STRN: variants seen among roughly 807,000 people sequenced by gnomAD.
STRN encodes protein phosphatase 2 regulatory subunit B'''alpha.
Under a neutral mutation model 96.3 loss-of-function variants are expected in STRN, and 53 were observed. The ratio of observed to expected loss-of-function variants is 0.55; its 90% CI spans 0.44 to 0.69. STRN has a LOEUF of 0.69. Ranked by LOEUF, STRN falls within the 30% of genes least tolerant of loss-of-function variation. The pLI is 0.00. For synonymous variants in STRN, 428 were observed against 355.9 expected (o/e 1.20, Z -2.28); for missense variants, 987 against 963.9 (o/e 1.02, Z -0.32).
rs770038776 is a variant in STRN, at chr2:36,840,009, C to T, written c.*9447G>A. ...TACAATTACTATAAAATCTTCAAGACAAAAACCAGCCTGAGAGCATCCTGA... is the reference window on the plus strand; with the variant it reads ...TACAATTACTATAAAATCTTCAAGATAAAAACCAGCCTGAGAGCATCCTGA... On this transcript the variant is annotated 3_prime_UTR_variant, in exon 18 of 18. Coordinates refer to ENST00000263918, the MANE Select transcript of STRN (RefSeq NM_003162.4). 5.9e-5 allele frequency: 9 copies of T among 152,142 alleles called. No homozygotes were observed. Among genetic ancestry groups the T allele is most frequent in the Non-Finnish European group, 1.0e-4 (7 of 68,040 alleles). 9.4% of individuals were successfully genotyped at this position (152,142 alleles called of 1,614,324 possible). A position where few individuals can be genotyped will look rare whatever the true frequency, so the allele number is the denominator to read the frequency against.
intron 10 of STRN, among the ~76,000 whole-genome samples, chr2:36,871,734 G>C (rs1259206552): frequency 6.6e-6 from 1 of 152,216 alleles, no homozygotes; most frequent in Non-Finnish European, 1.5e-5. Flanking sequence ...GAAGAAGGAA[G>C]TAACAGTATC....
chr2:36,862,193 G>A (rs1269877004), intron 12 of STRN, among the ~76,000 whole-genome samples: 3 of 152,160 alleles, frequency 2.0e-5, no homozygotes, highest in Non-Finnish European at 2.9e-5. Context: ...GTGACTCCAT[G>A]TCTTTGCTAC....
intron 2 of STRN, among the ~76,000 whole-genome samples, chr2:36,921,908 C>T (rs1485749422): frequency 5.3e-5 from 8 of 151,962 alleles, no homozygotes; most frequent in Non-Finnish European, 1.0e-4. Context: ...AGATTGGATC[C>T]TGGACCAGGA....
intron 1 of STRN, among the ~76,000 whole-genome samples, chr2:36,940,363 T>A (rs1214139805): frequency 6.6e-6 from 1 of 152,116 alleles, no homozygotes; most frequent in East Asian, 1.9e-4. Flanking sequence ...TAAAGAACCA[T>A]GAGAATATAT....
chr2:36,920,078 C>T (rs1219747693), intron 2 of STRN, among the ~76,000 whole-genome samples: 1 of 111,726 alleles, frequency 9.0e-6, no homozygotes, highest in Non-Finnish European at 1.9e-5. Flanking sequence ...GCATTTACAG[C>T]TGAAATGAAT....
At position 36,851,172 on chromosome 2, in the gene STRN, T is replaced by C. The variant is rs1274183325; in HGVS notation, c.1979-65A>G. 5 of 1,395,612 alleles carry C rather than the reference T, an allele frequency of 3.6e-6. No homozygotes were observed. In the East Asian group the frequency reaches 7.0e-5, roughly 19 times the overall value. 86.5% of individuals were successfully genotyped at this position (1,395,612 alleles called of 1,614,324 possible). On this transcript the variant is annotated intron_variant, in intron 15 of 17. Transcript: ENST00000263918. The stretch of plus-strand genomic sequence containing the variant: ...AGATATTTTTCACACAAAGGAGAAC[T>C]GAATTATCTATCTAAGAGACTGAAA...
intron 6 of STRN, among the ~76,000 whole-genome samples, chr2:36,895,625 A>C (rs751410647): frequency 6.6e-6 from 1 of 151,536 alleles, no homozygotes; most frequent in African/African-American, 2.4e-5. Context: ...AGAAAGGTGT[A>C]TCTGGGCCAG....
At chr2:36,872,319 T>G (rs1330532479) in intron 10 of STRN, among the ~76,000 whole-genome samples, 1 of 152,154 alleles carries the variant, frequency 6.6e-6, no homozygotes, top group African/African-American at 2.4e-5. Flanking sequence ...GGTAAGGAAC[T>G]AAAGTCTCCA....
intron 1 of STRN, among the ~76,000 whole-genome samples, chr2:36,932,134 T>C (rs1670590668): frequency 6.6e-6 from 1 of 151,828 alleles, no homozygotes; most frequent in South Asian, 2.1e-4. Flanking sequence ...AACTGTATTC[T>C]AATCTGGTAT....
intron 7 of STRN, among the ~76,000 whole-genome samples, chr2:36,890,477 CT>C (rs1163881782): frequency 0.014 from 1,491 of 104,630 alleles, 7 homozygotes; most frequent in African/African-American, 0.048. Flanking sequence ...CACCAGAAAA[CT>C]TTTTTTTTTT....
At chr2:36,958,588 C>G (rs532586036) in intron 1 of STRN, among the ~76,000 whole-genome samples, 1 of 152,206 alleles carries the variant, frequency 6.6e-6, no homozygotes, top group East Asian at 1.9e-4. Context: ...ATGTCATTCA[C>G]AGACTGGAAA....
At chr2:36,955,858 GA>G (rs1664874684) in intron 1 of STRN, among the ~76,000 whole-genome samples, 1 of 152,160 alleles carries the variant, frequency 6.6e-6, no homozygotes, top group Non-Finnish European at 1.5e-5. Context: ...TTGGGGATGA[GA>G]CCCAAGTCTA....
chr2:36,857,895 C>G lies in STRN; in HGVS notation c.1798G>C (p.Glu600Gln). The G allele has an allele frequency of 6.2e-7, 1 of 1,614,146 alleles. No homozygotes were observed. The highest frequency in any genetic ancestry group is 8.5e-7 in the Non-Finnish European group (1 of 1,180,014). Reference sequence around the variant, plus strand: ...AATACACTTAGTGCTGGAGCAACCTCAGTTGTATTCCATAAACGCAGAGTG... The same window carrying G: ...AATACACTTAGTGCTGGAGCAACCTGAGTTGTATTCCATAAACGCAGAGTG... ...DGTLRLWNTT[E>Q]VAPALSVFND... The change falls in exon 14 of 18, where the codon GAG becomes CAG. Residue 600 changes from glutamate (E) to glutamine (Q), a missense_variant. Transcript: ENST00000263918.
At chr2:36,952,276 A>G (rs1236065709) in intron 1 of STRN, among the ~76,000 whole-genome samples, 1 of 152,136 alleles carries the variant, frequency 6.6e-6, no homozygotes, top group Admixed American at 6.5e-5. Context: ...GCTGGATAAC[A>G]ATGCTTCTGC....
intron 2 of STRN, among the ~76,000 whole-genome samples, chr2:36,917,740 G>C (rs1670147529): frequency 6.6e-6 from 1 of 152,014 alleles, no homozygotes; most frequent in African/African-American, 2.4e-5. Flanking sequence ...CTTAAGGTAG[G>C]TGATGGGTAC....
At chr2:36,870,737 T>G (rs1175078469) in intron 10 of STRN, among the ~76,000 whole-genome samples, 2 of 152,196 alleles carry the variant, frequency 1.3e-5, no homozygotes, top group Middle Eastern at 3.2e-3. Flanking sequence ...TATTATAATT[T>G]TTATTCTACA....
intron 6 of STRN, among the ~76,000 whole-genome samples, chr2:36,898,634 A>C (rs1216141355): frequency 6.6e-6 from 1 of 152,236 alleles, no homozygotes; most frequent in Non-Finnish European, 1.5e-5. Context: ...TATTTATAAC[A>C]ATCCTCATTT....
At chr2:36,899,332 C>T (rs1669623652) in intron 6 of STRN, among the ~76,000 whole-genome samples, 191 bp downstream of exon 6, 1 of 152,136 alleles carries the variant, frequency 6.6e-6, no homozygotes, top group African/African-American at 2.4e-5. Flanking sequence ...TGAGGAATTT[C>T]AAGAGAAAGC....
At chr2:36,902,862 T>C (rs1669725368) in intron 4 of STRN, 111 bp from the exon 5 acceptor site, 1 of 851,216 alleles carries the variant, frequency 1.2e-6, no homozygotes, top group Non-Finnish European at 1.7e-6. Context: ...GACTTAACAG[T>C]ACAGTACTAT....
Sources: allele counts gnomAD v4.1 joint callset (sites outside exome capture counted in the v4.1 genomes callset), GRCh38; gene constraint gnomAD v4.1.1; transcripts MANE v1.5; gene names NCBI Gene and HGNC (gene_info 2026-07-23, HGNC 2026-07-21).